BIRC6: variants seen among roughly 807,000 people sequenced by gnomAD.
The protein encoded by BIRC6 is baculoviral IAP repeat containing 6, also known as dual E2 ubiquitin-conjugating enzyme/E3 ubiquitin-protein ligase BIRC6.
A neutral mutation model predicts 503.3 loss-of-function variants in BIRC6; 98 were observed. The observed-to-expected ratio is 0.19, with a 90% CI of 0.17 to 0.23. The LOEUF (loss-of-function observed/expected upper bound fraction) is 0.23, where lower values mean the gene tolerates loss of function less well. Among genes scored for constraint, BIRC6 ranks in the 10% least tolerant of loss-of-function variants. BIRC6 has a pLI of 1.00. For missense variants in BIRC6, 5,360 were observed against 5,806.0 expected, an observed-to-expected ratio of 0.92 and a Z score of 2.50; for synonymous variants, 2,240 against 2,078.7, an observed-to-expected ratio of 1.08 and a Z score of -2.11.
At chr2:32,477,694 T>C in intron 35 of BIRC6, 111 bp downstream of exon 35, 5 of 733,998 alleles carry the variant, frequency 6.8e-6, no homozygotes, top group Non-Finnish European at 1.1e-5. Context: ...AGTCTAGGAG[T>C]TCCAGACTAG....
chr2:32,424,503 A>G (rs2043263918), intron 10 of BIRC6, among the ~76,000 whole-genome samples: 2 of 150,352 alleles, frequency 1.3e-5, no homozygotes, highest in Admixed American at 1.3e-4. Flanking sequence ...TCACATGGTA[A>G]TTCTATGTTC....
chr2:32,472,493 G>A (rs2049215633), intron 32 of BIRC6, among the ~76,000 whole-genome samples: 1 of 152,230 alleles, frequency 6.6e-6, no homozygotes, highest in Admixed American at 6.5e-5. Context: ...GAGTTTTAGG[G>A]TTTGAAGAAC....
intron 59 of BIRC6, chr2:32,529,411 C>T (rs553706562): frequency 2.4e-4 from 90 of 373,610 alleles, no homozygotes; most frequent in African/African-American, 1.8e-3. Context: ...ATGTCTGTTC[C>T]TTTGTTTACG....
chr2:32,574,370 G>GGCC (rs1477242904), intron 65 of BIRC6, among the ~76,000 whole-genome samples: 1 of 151,746 alleles, frequency 6.6e-6, no homozygotes, highest in Non-Finnish European at 1.5e-5. Context: ...CTCCCACCTT[G>GGCC]GCCTCCCAAA....
At chr2:32,476,973 AGATTTTG>A (rs1328374741) in intron 34 of BIRC6, among the ~76,000 whole-genome samples, 1 of 152,238 alleles carries the variant, frequency 6.6e-6, no homozygotes, top group African/African-American at 2.4e-5. Flanking sequence ...TTATTCCGCC[AGATTTTG>A]AAGTAACTCG....
At position 32,495,042 on chromosome 2, in the gene BIRC6, A is replaced by T. The variant is rs116231124; in HGVS notation, c.8468+1375A>T. On this transcript the variant is annotated intron_variant, in intron 45 of 73. Transcript: ENST00000421745. ...TTGTGAAATTTTGAATGACATAATT[A>T]AAATCCCGTGAGGAATAAAGATTAG... is the stretch of plus-strand genomic sequence containing the variant. Among the ~76,000 whole-genome samples the T allele has an allele frequency of 4.7e-3, 719 of 152,366 alleles. 7 individuals are homozygous for T. The highest frequency in any genetic ancestry group is 0.017 in the African/African-American group (693 of 41,594).
At chr2:32,584,092 G>T (rs1018924637) in intron 66 of BIRC6, among the ~76,000 whole-genome samples, 4 of 152,170 alleles carry the variant, frequency 2.6e-5, no homozygotes, top group Non-Finnish European at 5.9e-5. Flanking sequence ...TAAAGAATAG[G>T]CTGGGTGCGG....
At chr2:32,555,261 C>T (rs1174401781) in intron 65 of BIRC6, among the ~76,000 whole-genome samples, 2 of 151,866 alleles carry the variant, frequency 1.3e-5, no homozygotes, top group Non-Finnish European at 2.9e-5. Context: ...GCCTGTAATC[C>T]CTTTGGGAGG....
At position 32,617,809 on chromosome 2, in the gene BIRC6, G is replaced by T; in HGVS notation, c.14479G>T (p.Val4827Leu). Residue 4827 changes from valine to leucine, a missense_variant, in exon 74 of 74, where the codon GTG becomes TTG. Physicochemically the swap from Val to Leu is conservative, Grantham distance 32. Transcript: ENST00000421745. ...LDPDTDDAPE[V>L]CRATTGAEET... ...TCCTGACACTGACGATGCCCCAGAGGTGTGCAGAGCCACAACAGGTGCTGA... is the reference window on the plus strand; with the variant it reads ...TCCTGACACTGACGATGCCCCAGAGTTGTGCAGAGCCACAACAGGTGCTGA... 6.2e-7 allele frequency: 1 copy of T among 1,614,034 alleles called. No individual in the cohort carries two copies. Among genetic ancestry groups the T allele is most frequent in the East Asian group, 2.2e-5 (1 of 44,888 alleles).
At chr2:32,436,687 C>A (rs1428709565) in intron 15 of BIRC6, among the ~76,000 whole-genome samples, 1 of 151,988 alleles carries the variant, frequency 6.6e-6, no homozygotes, top group Admixed American at 6.6e-5. Context: ...TCAAGTGATT[C>A]TCTTGCCTCA....
rs199890663 is a variant in BIRC6, at chr2:32,547,863, G to C, written c.12824G>C (p.Ser4275Thr). The C allele has an allele frequency of 6.4e-7, 1 of 1,570,120 alleles. No individual in the cohort carries two copies. Among genetic ancestry groups the C allele is most frequent in the African/African-American group, 1.4e-5 (1 of 72,594 alleles). Residue 4275 changes from serine to threonine, a missense_variant, in exon 64 of 74, where the codon AGC (serine) becomes ACC (threonine). Coordinates refer to ENST00000421745, the MANE Select transcript of BIRC6 (RefSeq NM_016252.4). Reference sequence around the variant, plus strand: ...TGTTATTTTAAGCCACAGGTGTCAAGCTCTCATAACCCTACATCAACAGAA... The same window carrying C: ...TGTTATTTTAAGCCACAGGTGTCAACCTCTCATAACCCTACATCAACAGAA... ...SVNQTEPQVS[S>T]SHNPTSTEEQ...
intron 51 of BIRC6, 79 bp downstream of exon 51, chr2:32,508,338 G>A (rs1211072469): frequency 2.3e-6 from 3 of 1,328,826 alleles, no homozygotes; most frequent in African/African-American, 4.9e-5. Context: ...TAATTATTTT[G>A]TGGGTTTTTT....
At chr2:32,367,463 C>CA (rs70938341) in intron 1 of BIRC6, among the ~76,000 whole-genome samples, 3,804 of 140,644 alleles carry the variant, frequency 0.027, 70 homozygotes, top group Middle Eastern at 0.051. Flanking sequence ...AACACCATCT[C>CA]AAAAAAAAAA....
chr2:32,544,157 T>G (rs1281847172), intron 62 of BIRC6, among the ~76,000 whole-genome samples: 1 of 152,146 alleles, frequency 6.6e-6, no homozygotes, highest in Non-Finnish European at 1.5e-5. Context: ...CTAATATTGG[T>G]AACAGATCAT....
chr2:32,506,092 A>G (rs142766273), intron 50 of BIRC6, among the ~76,000 whole-genome samples: 293 of 152,186 alleles, frequency 1.9e-3, no homozygotes, highest in African/African-American at 6.8e-3. Context: ...CATGGGATCT[A>G]CCTGCCTTGG....
intron 61 of BIRC6, among the ~76,000 whole-genome samples, chr2:32,536,506 G>A (rs963115809): frequency 1.3e-5 from 2 of 152,202 alleles, no homozygotes; most frequent in Non-Finnish European, 2.9e-5. Context: ...AAGGCATCCA[G>A]TTTCAGCTTT....
At chr2:32,500,600 G>GTTT (rs1169227018) in intron 46 of BIRC6, among the ~76,000 whole-genome samples, 14 of 103,118 alleles carry the variant, frequency 1.4e-4, no homozygotes, top group African/African-American at 2.2e-4. Flanking sequence ...TTTTGTTTTT[G>GTTT]TTTTTGTTTT....
Position 32,415,904 on chromosome 2 carries a change from G to A in BIRC6, c.2613G>A (p.Glu871=), listed in dbSNP as rs753983967. Residue 871 remains glutamate, a synonymous_variant, in exon 10 of 74, where the codon GAG becomes GAA. Coordinates refer to ENST00000421745, the MANE Select transcript of BIRC6 (RefSeq NM_016252.4). ...CACCCGATATATTGGATAATCGAGA[G>A]GATGACTGTGAGGAACCTATTGAGG... The part of the protein sequence containing the change: ...LLPPDILDNR[E]DDCEEPIEDM... 1.2e-6 allele frequency: 2 copies of A among 1,613,972 alleles called. No homozygotes were observed. The highest frequency in any genetic ancestry group is 2.2e-5 in the South Asian group (2 of 91,084).
At chr2:32,611,108 C>CTTTTTTTTTTTTTTTTTTT (rs1245765148) in intron 72 of BIRC6, among the ~76,000 whole-genome samples, 11 of 126,158 alleles carry the variant, frequency 8.7e-5, no homozygotes, top group Admixed American at 6.7e-4. Flanking sequence ...ATTAAATTGC[C>CTTTTTTTTTTTTTTTTTTT]TTTTTTTTTT....
Sources: allele counts gnomAD v4.1 joint callset (sites outside exome capture counted in the v4.1 genomes callset), GRCh38; gene constraint gnomAD v4.1.1; transcripts MANE v1.5; gene names NCBI Gene and HGNC (gene_info 2026-07-23, HGNC 2026-07-21).